Variants in EIF4B observed in about 807,000 individuals in gnomAD.
EIF4B encodes eukaryotic translation initiation factor 4B.
A neutral mutation model predicts 79.3 loss-of-function variants in EIF4B; 8 were observed. That is an observed-to-expected ratio of 0.10 (90% confidence interval 0.06 to 0.18). EIF4B has a LOEUF of 0.18. Ranked by LOEUF, EIF4B falls within the 10% of genes least tolerant of loss-of-function variation. The pLI is 1.00. For missense variants in EIF4B, 515 were observed against 792.4 expected (o/e 0.65, Z 4.20); for synonymous variants, 238 against 274.7 (o/e 0.87, Z 1.32).
At chr12:53,038,117 A>G in intron 11 of EIF4B, 1 of 322,000 alleles carries the variant, frequency 3.1e-6, no homozygotes, top group South Asian at 5.2e-5. Flanking sequence ...TTAAGACTCC[A>G]AAAGAAAAGA....
intron 6 of EIF4B, among the ~76,000 whole-genome samples, chr12:53,023,637 G>A (rs1190527722): frequency 6.9e-6 from 1 of 145,300 alleles, no homozygotes; most frequent in Admixed American, 7.0e-5. Context: ...AGGCCGGAGT[G>A]CAATGGCATG....
intron 6 of EIF4B, among the ~76,000 whole-genome samples, chr12:53,025,916 G>A (rs1411001443): frequency 6.6e-6 from 1 of 151,970 alleles, no homozygotes; most frequent in East Asian, 1.9e-4. Context: ...GACCATCCTG[G>A]CTAACACGGT....
chr12:53,031,075 C>G (rs1421567351), intron 8 of EIF4B, among the ~76,000 whole-genome samples: 1 of 152,136 alleles, frequency 6.6e-6, no homozygotes, highest in African/African-American at 2.4e-5. Context: ...ATTGCTGCAC[C>G]CACGTTACTG....
chr12:53,015,013 A>T (rs752958233), intron 1 of EIF4B: 1 of 152,222 alleles, frequency 6.6e-6, no homozygotes, highest in Admixed American at 6.5e-5. Flanking sequence ...TAAATATTCC[A>T]TAACTGTGGG....
At chr12:53,036,314 A>T (rs1437766744) in intron 10 of EIF4B, among the ~76,000 whole-genome samples, 1 of 151,582 alleles carries the variant, frequency 6.6e-6, no homozygotes, top group Non-Finnish European at 1.5e-5. Context: ...GGGTTTCACC[A>T]TGTTGGCCAG....
intron 4 of EIF4B, 116 bp downstream of exon 4, chr12:53,020,142 A>G (rs1193645923): frequency 3.9e-6 from 3 of 772,978 alleles, no homozygotes; most frequent in Middle Eastern, 2.4e-4. Context: ...CATATCTACA[A>G]ATAAAGGCCT....
intron 5 of EIF4B, 45 bp downstream of exon 5, chr12:53,021,905 T>C (rs1943251896): frequency 1.2e-6 from 2 of 1,611,614 alleles, no homozygotes; most frequent in Non-Finnish European, 1.7e-6. Context: ...GGTCCCAGGA[T>C]GACACCAAGC....
At chr12:53,035,657 C>T (rs544211744) in intron 10 of EIF4B, among the ~76,000 whole-genome samples, 19 of 151,796 alleles carry the variant, frequency 1.3e-4, no homozygotes, top group Non-Finnish European at 1.2e-4. Flanking sequence ...CGTCAGCCAC[C>T]GCACCCAGCC....
At chr12:53,007,319 G>A (rs1942982870) in intron 1 of EIF4B, among the ~76,000 whole-genome samples, 1 of 151,940 alleles carries the variant, frequency 6.6e-6, no homozygotes. Context: ...TACTCAATTG[G>A]AGGCATTTTT....
At chr12:53,016,747 G>T (rs1285911113) in intron 2 of EIF4B, 137 bp downstream of exon 2, 2 of 1,285,318 alleles carry the variant, frequency 1.6e-6, no homozygotes, top group Non-Finnish European at 2.1e-6. Context: ...ATATTTTATA[G>T]AATCTAAGGT....
At chr12:53,010,788 G>T (rs1397575462) in intron 1 of EIF4B, among the ~76,000 whole-genome samples, 1 of 152,032 alleles carries the variant, frequency 6.6e-6, no homozygotes, top group Non-Finnish European at 1.5e-5. Context: ...GGCCAGGCTG[G>T]TCTCGAGCTC....
intron 11 of EIF4B, 64 bp from the exon 12 acceptor site, chr12:53,038,292 T>A: frequency 6.9e-7 from 1 of 1,457,528 alleles, no homozygotes; most frequent in Non-Finnish European, 9.3e-7. Flanking sequence ...GGAGGATGAT[T>A]ATGTTTCTTG....
chr12:53,032,287 CA>C (rs1943459998), intron 8 of EIF4B, among the ~76,000 whole-genome samples: 1 of 152,110 alleles, frequency 6.6e-6, no homozygotes. Context: ...ACTAAAAATA[CA>C]AAAATTAGTT....
chr12:53,006,666 G>C (rs546107791), intron 1 of EIF4B, among the ~76,000 whole-genome samples, 170 bp downstream of exon 1: 16 of 151,686 alleles, frequency 1.1e-4, no homozygotes, highest in African/African-American at 3.1e-4. Context: ...TGGATGTTTG[G>C]GGGGGAGGGG....
chr12:53,023,964 G>A (rs114472982), intron 6 of EIF4B, among the ~76,000 whole-genome samples: 1 of 152,152 alleles, frequency 6.6e-6, no homozygotes, highest in Non-Finnish European at 1.5e-5. Flanking sequence ...ATACAGCAGT[G>A]TAATTTTTTT....
chr12:53,015,401 C>T (rs1943132079), intron 1 of EIF4B, among the ~76,000 whole-genome samples: 1 of 152,146 alleles, frequency 6.6e-6, no homozygotes, highest in African/African-American at 2.4e-5. Flanking sequence ...TAGTTGTGGC[C>T]AGGCACCATG....
chr12:53,023,957 C>A (rs1016971714), intron 6 of EIF4B, among the ~76,000 whole-genome samples: 1 of 152,166 alleles, frequency 6.6e-6, no homozygotes, highest in Non-Finnish European at 1.5e-5. Flanking sequence ...AACAAAGATA[C>A]AGCAGTGTAA....
intron 2 of EIF4B, among the ~76,000 whole-genome samples, chr12:53,017,295 A>G (rs76542874): frequency 0.012 from 1,814 of 151,988 alleles, 19 homozygotes; most frequent in Middle Eastern, 0.034. Flanking sequence ...TCTGTAAGCT[A>G]TGTTTACTCA....
chr12:53,018,397 G>A (rs970234604), intron 2 of EIF4B, among the ~76,000 whole-genome samples: 4 of 152,158 alleles, frequency 2.6e-5, no homozygotes, highest in Non-Finnish European at 4.4e-5. Context: ...TGGAGTAAGA[G>A]GGACCCAGGT....
Sources: gnomAD v4.1 joint callset for allele counts (sites outside exome capture counted in the v4.1 genomes callset) on GRCh38, gnomAD v4.1.1 for gene constraint, MANE v1.5 for transcripts, NCBI Gene and HGNC (gene_info 2026-07-23, HGNC 2026-07-21) for gene names.